Variants in SUPT3H observed in about 807,000 individuals in gnomAD.
SUPT3H encodes the protein transcription initiation protein SPT3 homolog.
A neutral mutation model predicts 44.3 loss-of-function variants in SUPT3H; 44 were observed. That is an observed-to-expected ratio of 0.99 (90% CI 0.78 to 1.28). The LOEUF (loss-of-function observed/expected upper bound fraction) is 1.28. Ranked by LOEUF, SUPT3H falls within the 50% of genes most tolerant of loss-of-function variation. The pLI is 0.00. For synonymous variants in SUPT3H, 124 were observed against 125.6 expected (o/e 0.99, Z 0.09); for missense variants, 380 against 387.1 (o/e 0.98, Z 0.15).
At chr6:45,067,595 ATGAACTCAAAC>A (rs1053120486) in intron 3 of SUPT3H, among the ~76,000 whole-genome samples, 1 of 151,810 alleles carries the variant, frequency 6.6e-6, no homozygotes, top group African/African-American at 2.4e-5. Context: ...AGAATCTACA[ATGAACTCAAAC>A]AAATTTACAA....
intron 10 of SUPT3H, among the ~76,000 whole-genome samples, chr6:44,882,805 T>C (rs1274948112): frequency 6.6e-6 from 1 of 152,206 alleles, no homozygotes; most frequent in Non-Finnish European, 1.5e-5. Flanking sequence ...TCTCAATAGA[T>C]GCAGAAAAGG....
chr6:45,098,922 C>A, intron 3 of SUPT3H: 1 of 517,924 alleles, frequency 1.9e-6, no homozygotes, highest in South Asian at 1.5e-5. Flanking sequence ...GGGGAAGATC[C>A]CAAGCATCCA....
intron 6 of SUPT3H, among the ~76,000 whole-genome samples, chr6:44,978,377 G>A (rs1239756146): frequency 6.6e-6 from 1 of 152,054 alleles, no homozygotes; most frequent in Non-Finnish European, 1.5e-5. Context: ...AACATACCTT[G>A]GATAAAGAAT....
At chr6:45,346,945 T>C (rs1327310001) in intron 2 of SUPT3H, among the ~76,000 whole-genome samples, 2 of 152,040 alleles carry the variant, frequency 1.3e-5, no homozygotes, top group Non-Finnish European at 2.9e-5. Context: ...AAACAAAAAG[T>C]AGGAGGACTT....
chr6:44,969,934 G>C (rs932071550), intron 6 of SUPT3H, among the ~76,000 whole-genome samples: 1 of 152,034 alleles, frequency 6.6e-6, no homozygotes. Flanking sequence ...AAGATTCAAA[G>C]GATTTAAAAG....
intron 2 of SUPT3H, 135 bp downstream of exon 2, chr6:45,365,066 C>T: frequency 1.7e-6 from 1 of 589,676 alleles, no homozygotes; most frequent in Non-Finnish European, 2.7e-6. Flanking sequence ...AAAATGTTAC[C>T]ACAGTATTTC....
At chr6:44,889,746 G>T (rs1444055692) in intron 10 of SUPT3H, among the ~76,000 whole-genome samples, 2 of 152,098 alleles carry the variant, frequency 1.3e-5, no homozygotes, top group Non-Finnish European at 2.9e-5. Context: ...GGCAACCAAA[G>T]ACAAAATTGA....
chr6:45,084,368 G>A (rs367553343), intron 3 of SUPT3H, among the ~76,000 whole-genome samples: 5 of 152,074 alleles, frequency 3.3e-5, no homozygotes, highest in Non-Finnish European at 5.9e-5. Flanking sequence ...AAACATACAA[G>A]CTACCAACAA....
intron 2 of SUPT3H, among the ~76,000 whole-genome samples, chr6:45,233,920 A>G (rs1340493769): frequency 6.6e-6 from 1 of 152,188 alleles, no homozygotes; most frequent in East Asian, 1.9e-4. Flanking sequence ...GATGTCCTTT[A>G]TTGGGATAAT....
intron 10 of SUPT3H, among the ~76,000 whole-genome samples, chr6:44,914,251 T>C (rs1260667000): frequency 1.3e-5 from 2 of 152,180 alleles, no homozygotes; most frequent in East Asian, 3.8e-4. Flanking sequence ...TAAAAGATAA[T>C]CCTCAGAGGC....
chr6:44,922,703 A>G (rs936184922), intron 10 of SUPT3H, among the ~76,000 whole-genome samples: 3 of 152,216 alleles, frequency 2.0e-5, no homozygotes, highest in African/African-American at 7.2e-5. Flanking sequence ...TACTTAAAAA[A>G]TGAAAATAAT....
rs1583222528 is a variant in SUPT3H at position 45,043,463 on chromosome 6, A to G, written c.187-22831T>C. ...CCTGAGATAATGTTAGTTTTAACACAGTCCTTTTCCTCCTCAGGCAAAATT... is the reference window on the plus strand; with the variant it reads ...CCTGAGATAATGTTAGTTTTAACACGGTCCTTTTCCTCCTCAGGCAAAATT... On this transcript the variant is annotated intron_variant, in intron 3 of 10. Coordinates refer to ENST00000371459, the MANE Select transcript of SUPT3H (RefSeq NM_003599.4). 5.3e-5 allele frequency among the ~76,000 whole-genome samples: 8 copies of G among 152,342 alleles called. No individual in the cohort carries two copies. In the South Asian group the frequency reaches 1.7e-3, roughly 32 times the overall value.
chr6:45,267,866 G>C (rs182428562), intron 2 of SUPT3H, among the ~76,000 whole-genome samples: 2 of 152,252 alleles, frequency 1.3e-5, no homozygotes, highest in Admixed American at 6.5e-5. Context: ...AAAGTCATGG[G>C]GAGTAGCACC....
chr6:45,009,342 T>C (rs1339177512), intron 5 of SUPT3H, among the ~76,000 whole-genome samples: 1 of 152,184 alleles, frequency 6.6e-6, no homozygotes, highest in African/African-American at 2.4e-5. Context: ...CCCTTTTTCT[T>C]TTGCTGTTTG....
At chr6:45,078,250 G>C (rs1272347157) in intron 3 of SUPT3H, among the ~76,000 whole-genome samples, 5 of 152,054 alleles carry the variant, frequency 3.3e-5, no homozygotes, top group African/African-American at 1.2e-4. Context: ...TTTTTTGTTT[G>C]TATATCTGCT....
intron 3 of SUPT3H, among the ~76,000 whole-genome samples, chr6:45,087,939 GAA>G (rs1189148406): frequency 7.2e-5 from 11 of 152,098 alleles, no homozygotes; most frequent in Admixed American, 5.9e-4. Context: ...TCATTTAGGA[GAA>G]TATTCAAGGA....
chr6:45,084,441 G>T (rs1354236687), intron 3 of SUPT3H, among the ~76,000 whole-genome samples: 1 of 151,910 alleles, frequency 6.6e-6, no homozygotes, highest in African/African-American at 2.4e-5. Flanking sequence ...CCACAATGAG[G>T]TACCATCTCA....
chr6:44,932,584 T>C (rs1187665446), intron 10 of SUPT3H, 69 bp downstream of exon 10: 6 of 1,130,988 alleles, frequency 5.3e-6, no homozygotes, highest in Non-Finnish European at 7.5e-6. Context: ...GCTTCTTCAT[T>C]TGACCACTTG....
chr6:44,999,307 G>A (rs769408267), intron 6 of SUPT3H, among the ~76,000 whole-genome samples: 1 of 152,016 alleles, frequency 6.6e-6, no homozygotes, highest in Non-Finnish European at 1.5e-5. Context: ...GTCTTGCTAT[G>A]TTGCCCAGGT....
Sources: allele counts gnomAD v4.1 joint callset (sites outside exome capture counted in the v4.1 genomes callset), GRCh38; gene constraint gnomAD v4.1.1; transcripts MANE v1.5; gene names NCBI Gene and HGNC (gene_info 2026-07-23, HGNC 2026-07-21).